WSB1: variants seen among roughly 807,000 people sequenced by gnomAD.
WSB1 encodes the protein WD repeat and SOCS box-containing protein 1.
A neutral mutation model predicts 50.2 loss-of-function variants in WSB1; 23 were observed. The observed-to-expected ratio is 0.46, with a 90% CI of 0.33 to 0.65. WSB1 has a LOEUF of 0.65. Ranked by LOEUF, WSB1 falls within the 30% of genes least tolerant of loss-of-function variation. WSB1 has a pLI of 0.02. For missense variants in WSB1, 492 were observed against 522.3 expected (o/e 0.94, Z 0.56); for synonymous variants, 179 against 172.0 (o/e 1.04, Z -0.32).
intron 1 of WSB1, among the ~76,000 whole-genome samples, chr17:27,294,820 C>T (rs1272309603): frequency 3.3e-5 from 5 of 152,026 alleles, no homozygotes; most frequent in African/African-American, 4.8e-5. Context: ...GGGTTGTAAG[C>T]GGTAATGAAA....
rs1328564885 is a variant in WSB1 at position 27,313,879 on chromosome 17, AG to A, written c.*1512del. ...AAAGCATAGGGAAGCTCTAGAACACAGGAAGGTGACTACTAAGCAAGAGAAA... is the reference window on the plus strand; with the variant it reads ...AAAGCATAGGGAAGCTCTAGAACACAGAAGGTGACTACTAAGCAAGAGAAA... On this transcript the variant is annotated 3_prime_UTR_variant, in exon 9 of 9. Coordinates refer to ENST00000262394, the MANE Select transcript of WSB1 (RefSeq NM_015626.10). 10 of 152,362 alleles carry A rather than the reference AG, an allele frequency of 6.6e-5. No individual in the cohort carries two copies. The highest frequency in any genetic ancestry group is 1.3e-4 in the Non-Finnish European group (9 of 68,034). 9.4% of individuals were successfully genotyped at this position (152,362 alleles called of 1,614,324 possible). A position where few individuals can be genotyped will look rare whatever the true frequency, so the allele number is the denominator to read the frequency against.
intron 1 of WSB1, among the ~76,000 whole-genome samples, chr17:27,299,901 C>T (rs1396319940): frequency 1.3e-5 from 2 of 152,120 alleles, no homozygotes; most frequent in African/African-American, 4.8e-5. Flanking sequence ...TAAAAACGGT[C>T]TCAGTTGCAC....
intron 1 of WSB1, among the ~76,000 whole-genome samples, chr17:27,301,553 A>T (rs1247415446): frequency 2.0e-5 from 3 of 152,188 alleles, no homozygotes; most frequent in African/African-American, 7.2e-5. Context: ...ACTTTCTTAA[A>T]AACTCTTGCA....
chr17:27,300,175 G>GTGTGTGGGGGGTGGGGGTGGGTA, intron 1 of WSB1, among the ~76,000 whole-genome samples: 1 of 151,904 alleles, frequency 6.6e-6, no homozygotes, highest in Non-Finnish European at 1.5e-5. Flanking sequence ...GGGGGTGGGT[G>GTGTGTGGGGGGTGGGGGTGGGTA]TGTCCATGTC....
chr17:27,294,435 G>C lies in WSB1; in HGVS notation c.40G>C (p.Val14Leu). The C allele has an allele frequency of 6.2e-7, 1 of 1,613,688 alleles. No homozygotes were observed. The highest frequency in any genetic ancestry group is 8.5e-7 in the Non-Finnish European group (1 of 1,179,756). ...CCCGAGGGTCAACGAGAAAGAGATC[G>C]GTGAGGATTGGGACCGTGGGTGGGC... The part of the protein sequence containing the change: ...FPPRVNEKEI[V>L]RLRTIGELLA... Residue 14 changes from valine to leucine, a missense_variant and splice_region_variant, in exon 1 of 9, where the codon GTG becomes CTG. Val to Leu is a conservative substitution (Grantham distance 32). Coordinates refer to ENST00000262394, the MANE Select transcript of WSB1 (RefSeq NM_015626.10).
intron 7 of WSB1, among the ~76,000 whole-genome samples, chr17:27,310,897 G>C (rs550125697): frequency 2.2e-4 from 34 of 152,136 alleles, no homozygotes; most frequent in African/African-American, 8.2e-4. Flanking sequence ...CCAGGCTATA[G>C]TGCAGTGGTG....
In WSB1 at chr17:27,312,869, T is replaced by G. The variant is rs1254689944; in HGVS notation, c.*500T>G. Reference sequence around the variant, plus strand: ...AAACATGATGAAACCCTGTCTCTACTAAAAATACAAAAAAAAAAAAAATTA... The same window carrying G: ...AAACATGATGAAACCCTGTCTCTACGAAAAATACAAAAAAAAAAAAAATTA... On this transcript the variant is annotated 3_prime_UTR_variant, in exon 9 of 9. Transcript: ENST00000262394. The G allele has an allele frequency of 6.8e-6, 1 of 146,812 alleles. No individual in the cohort carries two copies. The highest frequency in any genetic ancestry group is 1.5e-5 in the Non-Finnish European group (1 of 67,060). 9.1% of individuals were successfully genotyped at this position (146,812 alleles called of 1,614,324 possible). A position where few individuals can be genotyped will look rare whatever the true frequency, so the allele number is the denominator to read the frequency against.
rs2017676248 is a variant in WSB1 at position 27,311,513 on chromosome 17, G to A, written c.1003G>A (p.Val335Met). 6.3e-7 allele frequency: 1 copy of A among 1,589,050 alleles called. No individual in the cohort carries two copies. Among genetic ancestry groups the A allele is most frequent in the Non-Finnish European group, 8.5e-7 (1 of 1,172,820 alleles). Reference sequence around the variant, plus strand: ...AATAATTTATTTCATTTTCAGAATGGTGAGGTTCTGGAGAATTGATGAGGA... The same window carrying A: ...AATAATTTATTTCATTTTCAGAATGATGAGGTTCTGGAGAATTGATGAGGA... ...HVASLADDKM[V>M]RFWRIDEDYP... Residue 335 changes from valine (V) to methionine (M), a missense_variant, in exon 8 of 9, where the codon GTG becomes ATG. By Grantham distance (21) the Val-to-Met change is conservative. Transcript: ENST00000262394.
At chr17:27,295,356 A>C (rs755410158) in intron 1 of WSB1, among the ~76,000 whole-genome samples, 11 of 152,206 alleles carry the variant, frequency 7.2e-5, no homozygotes, top group South Asian at 2.1e-4. Context: ...GCCTTTACTA[A>C]GTACAAGGAG....
Position 27,307,094 on chromosome 17 carries a change from G to C in WSB1, c.711+212G>C. 5 of 544,272 alleles carry C rather than the reference G, an allele frequency of 9.2e-6. No homozygotes were observed. In the East Asian group the frequency reaches 9.7e-5, roughly 11 times the overall value. The allele number at this position is 544,272 out of a possible 1,614,324, so 33.7% of individuals were successfully genotyped here. On this transcript the variant is annotated intron_variant, in intron 5 of 8. Transcript: ENST00000262394. ...AGTTGGATTGTTTTTAGAGATAATA[G>C]ATAATAATGGGCATATCAGGGTTTT...
chr17:27,313,766 C>T lies in WSB1; in HGVS notation c.*1397C>T, dbSNP rs2017779215. ...GAAAGAATGCAGGACTCAGGCGCTG[C>T]TCTAGAATTCATTCAGGGCTCCCCG... On this transcript the variant is annotated 3_prime_UTR_variant, in exon 9 of 9. Coordinates refer to ENST00000262394, the MANE Select transcript of WSB1 (RefSeq NM_015626.10). The T allele has an allele frequency of 6.6e-6, 1 of 152,164 alleles. No individual in the cohort carries two copies. Among genetic ancestry groups the T allele is most frequent in the Non-Finnish European group, 1.5e-5 (1 of 68,026 alleles). 9.4% of individuals were successfully genotyped at this position (152,164 alleles called of 1,614,324 possible).
rs375036638 is a variant in WSB1 at position 27,303,531 on chromosome 17, G to A, written c.374G>A (p.Arg125His). The A allele has an allele frequency of 8.1e-6, 13 of 1,614,142 alleles. 1 individual carries two copies. The South Asian group carries it at 8.8e-5, about 11-fold the overall frequency. Residue 125 changes from arginine to histidine, a missense_variant, in exon 3 of 9, where the codon CGC becomes CAC. Coordinates refer to ENST00000262394, the MANE Select transcript of WSB1 (RefSeq NM_015626.10). ...FGSSVPEKQS[R>H]CVNIEWHRFR... ...TCATCAGTTCCAGAAAAACAGAGTC[G>A]CTGTGTAAATATAGAATGGCATCGC...
At chr17:27,294,557 C>A in intron 1 of WSB1, 122 bp downstream of exon 1, 1 of 1,401,002 alleles carries the variant, frequency 7.1e-7, no homozygotes, top group Non-Finnish European at 9.7e-7. Context: ...CAGGGCCAGC[C>A]CACTAGCGAG....
At chr17:27,295,253 T>TAA (rs2016907025) in intron 1 of WSB1, among the ~76,000 whole-genome samples, 2 of 152,222 alleles carry the variant, frequency 1.3e-5, no homozygotes, top group South Asian at 4.1e-4. Context: ...TGATAACACT[T>TAA]AGCAAACACT....
intron 6 of WSB1, among the ~76,000 whole-genome samples, 183 bp from the exon 7 acceptor site, chr17:27,309,878 A>G (rs6505198): frequency 0.53 from 80,034 of 152,030 alleles, 23,346 homozygotes; most frequent in African/African-American, 0.8. Context: ...ACTGCGCCCG[A>G]CCATAAAAGA....
Position 27,309,254 on chromosome 17 carries a change from A to T in WSB1, c.866A>T (p.Asp289Val). Residue 289 changes from aspartate (D) to valine (V), a missense_variant, in exon 6 of 9, where the codon GAC (aspartate) becomes GTC (valine). Physicochemically the swap from Asp to Val is radical, Grantham distance 152. Coordinates refer to ENST00000262394, the MANE Select transcript of WSB1 (RefSeq NM_015626.10). ...RVYIWDPHNG[D>V]ILMEFGHLFP... ...TATATCTGGGATCCACATAATGGAG[A>T]CATTCTGATGGAATTTGGGTGGGTA... is the stretch of plus-strand genomic sequence containing the variant. The T allele has an allele frequency of 6.2e-7, 1 of 1,606,266 alleles. No homozygotes were observed. The highest frequency in any genetic ancestry group is 1.3e-5 in the African/African-American group (1 of 74,874).
chr17:27,297,137 T>G (rs1212750465), intron 1 of WSB1: 1 of 152,180 alleles, frequency 6.6e-6, no homozygotes, highest in Non-Finnish European at 1.5e-5. Context: ...TTTGAACCAA[T>G]TTTTTAGTAA....
rs557983607 is a variant in WSB1, at chr17:27,294,287, C to T, written c.-109C>T. The T allele has an allele frequency of 8.8e-6, 13 of 1,472,438 alleles. No individual in the cohort carries two copies. Among genetic ancestry groups the T allele is most frequent in the Admixed American group, 7.8e-5 (4 of 51,438 alleles). 91.2% of individuals were successfully genotyped at this position (1,472,438 alleles called of 1,614,324 possible). On this transcript the variant is annotated 5_prime_UTR_variant, in exon 1 of 9. Transcript: ENST00000262394. ...GGCCGCCCCCGCCCGTCTCCTCTGT[C>T]CCTGGGCCCGGGAGGGACCAACTTG...
rs764634894 is a variant in WSB1 at position 27,312,356 on chromosome 17, C to T, written c.1253C>T (p.Ser418Leu). ...PIPSKLLEFL[S>L]YRI The stretch of plus-strand genomic sequence containing the variant: ...CCTTCCAAGCTTTTGGAGTTTCTCT[C>T]GTATCGTATTTAGAAGATTCTGCCT... The change falls in exon 9 of 9, where the codon TCG (serine) becomes TTG (leucine). Residue 418 changes from serine to leucine, a missense_variant. Coordinates refer to ENST00000262394, the MANE Select transcript of WSB1 (RefSeq NM_015626.10). 4.3e-6 allele frequency: 7 copies of T among 1,614,002 alleles called. No homozygotes were observed. The highest frequency in any genetic ancestry group is 1.1e-5 in the South Asian group (1 of 91,062).
Sources: allele counts gnomAD v4.1 joint callset (sites outside exome capture counted in the v4.1 genomes callset), GRCh38; gene constraint gnomAD v4.1.1; transcripts MANE v1.5; gene names NCBI Gene and HGNC (gene_info 2026-07-23, HGNC 2026-07-21).